Variants in MALRD1 observed in about 807,000 individuals in gnomAD.
The protein encoded by MALRD1 is MAM and LDL receptor class A domain containing 1, also known as MAM and LDL-receptor class A domain-containing protein 1.
In MALRD1, 247 loss-of-function variants were observed where a neutral mutation model predicts 242.1. The observed-to-expected ratio is 1.02, with a 90% CI of 0.92 to 1.13. The LOEUF is 1.13. MALRD1 is among the 50% of genes most tolerant of loss of function. The pLI is 0.00. For missense variants in MALRD1, 2,989 were observed against 2,533.1 expected (o/e 1.18, Z -3.86); for synonymous variants, 995 against 866.6 (o/e 1.15, Z -2.60).
At chr10:19,549,875 A>G (rs1196906847) in intron 32 of MALRD1, among the ~76,000 whole-genome samples, 2 of 152,228 alleles carry the variant, frequency 1.3e-5, no homozygotes, top group African/African-American at 4.8e-5. Context: ...CCTAATTCCT[A>G]ACTATTACAT....
At chr10:19,136,272 G>A (rs911466581) in intron 9 of MALRD1, among the ~76,000 whole-genome samples, 2 of 151,944 alleles carry the variant, frequency 1.3e-5, no homozygotes, top group Non-Finnish European at 2.9e-5. Context: ...AGTTAGGTGG[G>A]ATGCTTGTTT....
rs1168240004 is a variant in MALRD1, at chr10:19,461,613, G to A, written c.5029+11123G>A. On this transcript the variant is annotated intron_variant, in intron 29 of 39. Transcript: ENST00000454679. ...CTGTAATCCTACACTGTGGGGGGAG[G>A]CTGAGGCAGGAAGATCACTTGAGCT... is the stretch of plus-strand genomic sequence containing the variant. 3.9e-5 allele frequency among the ~76,000 whole-genome samples: 6 copies of A among 152,088 alleles called. No homozygotes were observed. In the East Asian group the frequency reaches 1.2e-3, roughly 29 times the overall value.
chr10:19,467,414 A>AAG (rs1836275899), intron 29 of MALRD1, among the ~76,000 whole-genome samples: 1 of 117,572 alleles, frequency 8.5e-6, no homozygotes. Flanking sequence ...AAAAAAAAAG[A>AAG]AAAAGACCTT....
intron 5 of MALRD1, among the ~76,000 whole-genome samples, chr10:19,106,371 A>T (rs897241727): frequency 1.3e-5 from 2 of 151,296 alleles, no homozygotes; most frequent in African/African-American, 4.8e-5. Flanking sequence ...TCTTTCTTCA[A>T]CTTTAGTAGG....
At chr10:19,595,150 A>G in intron 33 of MALRD1, 44 bp from the exon 34 acceptor site, 3 of 1,515,470 alleles carry the variant, frequency 2.0e-6, no homozygotes, top group Non-Finnish European at 2.7e-6. Context: ...GGATGGAGGG[A>G]AACTCCCTAA....
intron 36 of MALRD1, among the ~76,000 whole-genome samples, chr10:19,667,445 T>G (rs1419672361): frequency 6.6e-6 from 1 of 152,138 alleles, no homozygotes; most frequent in Non-Finnish European, 1.5e-5. Flanking sequence ...CCAAATCTCA[T>G]GTTGAACTGT....
At chr10:19,727,234 A>C (rs1589450002) in intron 38 of MALRD1, among the ~76,000 whole-genome samples, 3 of 152,170 alleles carry the variant, frequency 2.0e-5, no homozygotes, top group Admixed American at 6.5e-5. Flanking sequence ...AAAATACAAA[A>C]TATTCACCTC....
chr10:19,288,308 A>G (rs942541895), intron 21 of MALRD1, among the ~76,000 whole-genome samples: 1 of 152,090 alleles, frequency 6.6e-6, no homozygotes, highest in South Asian at 2.1e-4. Context: ...GTTACAAACA[A>G]TCCAGTTACT....
rs1219071316 is a variant in MALRD1, at chr10:19,389,597, G to C, written c.4833G>C (p.Gln1611His). The part of the protein sequence containing the change: ...FVSAKATGSI[Q>H]ILIKTEKGLS... ...CTGCAAAGGCCACAGGATCCATTCA[G>C]ATTCTCATCAAGGTAGGAACATGGC... The change falls in exon 28 of 40, where the codon CAG becomes CAC. Residue 1611 changes from glutamine to histidine, a missense_variant. Coordinates refer to ENST00000454679, the MANE Select transcript of MALRD1 (RefSeq NM_001142308.3). The C allele has an allele frequency of 1.9e-6, 3 of 1,549,874 alleles. No homozygotes were observed. Among genetic ancestry groups the C allele is most frequent in the Non-Finnish European group, 2.6e-6 (3 of 1,146,736 alleles).
At chr10:19,656,573 G>A (rs1372974559) in intron 36 of MALRD1, among the ~76,000 whole-genome samples, 2 of 151,970 alleles carry the variant, frequency 1.3e-5, no homozygotes, top group Admixed American at 1.3e-4. Context: ...ATTTCACACA[G>A]CAAACATTTT....
chr10:19,694,870 CACCATGGAAT>C (rs1833293716), intron 38 of MALRD1, among the ~76,000 whole-genome samples: 1 of 152,178 alleles, frequency 6.6e-6, no homozygotes, highest in Non-Finnish European at 1.5e-5. Context: ...GGCACACATA[CACCATGGAAT>C]ACTATGCAGC....
At chr10:19,370,723 A>G (rs1845335489) in intron 26 of MALRD1, among the ~76,000 whole-genome samples, 1 of 151,826 alleles carries the variant, frequency 6.6e-6, no homozygotes, top group South Asian at 2.1e-4. Flanking sequence ...AACTACAGGG[A>G]CACACCACCA....
chr10:19,590,053 C>A (rs958057406), intron 33 of MALRD1, among the ~76,000 whole-genome samples: 1 of 152,044 alleles, frequency 6.6e-6, no homozygotes, highest in Admixed American at 6.6e-5. Flanking sequence ...GACCAAGCAG[C>A]TCACTGGGCA....
chr10:19,542,410 TGTTTTAATAATTATATAATTTATA>T (rs1413756186), intron 32 of MALRD1, among the ~76,000 whole-genome samples: 6 of 151,964 alleles, frequency 3.9e-5, no homozygotes, highest in Non-Finnish European at 7.4e-5. Flanking sequence ...TATTTTCATT[TGTTTTAATAATTATATAATTTATA>T]GTTTTAATAA....
chr10:19,335,616 T>G (rs1405250812), intron 24 of MALRD1, among the ~76,000 whole-genome samples: 1 of 152,120 alleles, frequency 6.6e-6, no homozygotes, highest in Non-Finnish European at 1.5e-5. Context: ...AACCATGTAT[T>G]TGGGTTTAAA....
At chr10:19,569,242 C>T (rs10437421) in intron 33 of MALRD1, among the ~76,000 whole-genome samples, 4,007 of 152,076 alleles carry the variant, frequency 0.026, 153 homozygotes, top group African/African-American at 0.084. Context: ...ATCACCTTAG[C>T]TAGGCCTTTT....
rs140483883 is a variant in MALRD1 at position 19,667,594 on chromosome 10, A to ACT, written c.6138-24669_6138-24668dup. On this transcript the variant is annotated intron_variant, in intron 36 of 39. Transcript: ENST00000454679. ...TAAAAGTGTGTGGCACCTCCCTGCC[A>ACT]CTCTCTCTCTCTCTCTCTCTTGCTT... 6.0e-4 allele frequency among the ~76,000 whole-genome samples: 84 copies of ACT among 139,838 alleles called. 1 individual carries two copies. Among genetic ancestry groups the ACT allele is most frequent in the African/African-American group, 7.8e-4 (29 of 36,974 alleles). 91.7% of individuals were successfully genotyped at this position (139,838 alleles called of 152,430 possible). A position where few individuals can be genotyped will look rare whatever the true frequency, so the allele number is the denominator to read the frequency against.
At chr10:19,472,016 A>G (rs1836522609) in intron 29 of MALRD1, among the ~76,000 whole-genome samples, 1 of 151,878 alleles carries the variant, frequency 6.6e-6, no homozygotes, top group South Asian at 2.1e-4. Flanking sequence ...TTAGAGGAAA[A>G]ACATTTTTCT....
intron 32 of MALRD1, among the ~76,000 whole-genome samples, chr10:19,565,002 C>T (rs1836189382): frequency 6.6e-6 from 1 of 152,046 alleles, no homozygotes; most frequent in Admixed American, 6.6e-5. Context: ...CTTGACGTAA[C>T]ATGTAATTAT....
Sources: allele counts gnomAD v4.1 joint callset (sites outside exome capture counted in the v4.1 genomes callset), GRCh38; gene constraint gnomAD v4.1.1; transcripts MANE v1.5; gene names NCBI Gene and HGNC (gene_info 2026-07-23, HGNC 2026-07-21).